MOB3B: variants seen among roughly 807,000 people sequenced by gnomAD.
The protein encoded by MOB3B is MOB kinase activator-like 2B.
In MOB3B, 7 loss-of-function variants were observed where a neutral mutation model predicts 18.7. The ratio of observed to expected loss-of-function variants is 0.37; its 90% CI spans 0.21 to 0.70. The LOEUF is 0.70. Ranked by LOEUF, MOB3B falls within the 30% of genes least tolerant of loss-of-function variation. The probability of loss-of-function intolerance (pLI) is 0.52; values close to 1 mark genes in which losing one functional copy is unlikely to be tolerated. For missense variants in MOB3B, 253 were observed against 281.3 expected (o/e 0.90, Z 0.72); for synonymous variants, 111 against 99.9 (o/e 1.11, Z -0.66).
At chr9:27,518,147 A>G (rs1162862326) in intron 1 of MOB3B, among the ~76,000 whole-genome samples, 1 of 152,178 alleles carries the variant, frequency 6.6e-6, no homozygotes, top group Non-Finnish European at 1.5e-5. Context: ...ATGTCAAGAA[A>G]CCTTATGACC....
chr9:27,512,798 T>C (rs1281298972), intron 1 of MOB3B, among the ~76,000 whole-genome samples: 1 of 152,224 alleles, frequency 6.6e-6, no homozygotes, highest in Admixed American at 6.5e-5. Flanking sequence ...AATTATATGA[T>C]TATATTCCAT....
chr9:27,381,515 C>G (rs1300967240), intron 2 of MOB3B, among the ~76,000 whole-genome samples: 1 of 152,138 alleles, frequency 6.6e-6, no homozygotes, highest in Non-Finnish European at 1.5e-5. Flanking sequence ...CCTATGGAAA[C>G]CAAGCCAGAT....
At position 27,326,784 on chromosome 9, in the gene MOB3B, A is replaced by C. The variant is rs574009830; in HGVS notation, c.*3803T>G. 2.1e-4 allele frequency: 82 copies of C among 391,724 alleles called. No homozygotes were observed. The highest frequency in any genetic ancestry group is 1.5e-3 in the African/African-American group (73 of 48,618). The allele number at this position is 391,724 out of a possible 1,614,324, so 24.3% of individuals were successfully genotyped here. ...CAGTATTTCTCAATTACAGCCGTGT[A>C]AGACATTTTCTTCCTAATCATCTCT... On this transcript the variant is annotated 3_prime_UTR_variant, in exon 4 of 4. Transcript: ENST00000262244.
intron 3 of MOB3B, among the ~76,000 whole-genome samples, chr9:27,334,389 A>T (rs539026018): frequency 6.6e-6 from 1 of 152,358 alleles, no homozygotes; most frequent in Non-Finnish European, 1.5e-5. Flanking sequence ...AGGAAAGTAG[A>T]CAGAGACTCC....
At chr9:27,432,961 G>A (rs1358823097) in intron 2 of MOB3B, among the ~76,000 whole-genome samples, 2 of 152,118 alleles carry the variant, frequency 1.3e-5, no homozygotes, top group Non-Finnish European at 2.9e-5. Context: ...CTGAGAGACA[G>A]ACTGATGTTA....
At chr9:27,335,428 G>T (rs148157353) in intron 3 of MOB3B, among the ~76,000 whole-genome samples, 27 of 152,278 alleles carry the variant, frequency 1.8e-4, no homozygotes, top group Non-Finnish European at 1.5e-5. Context: ...ACATTGATTC[G>T]AAAGAGGCAA....
rs554565238 is a variant in MOB3B, at chr9:27,465,196, C to T, written c.-198-9448G>A. Among the ~76,000 whole-genome samples the T allele has an allele frequency of 2.0e-4, 30 of 152,274 alleles. No individual in the cohort carries two copies. In the South Asian group the frequency reaches 6.0e-3, roughly 30 times the overall value. On this transcript the variant is annotated intron_variant, in intron 1 of 3. Transcript: ENST00000262244. ...CTAGTTAATTCCTAGACACAATGTG[C>T]GTACAGGTATTGGGTAAATACAGCT... is the stretch of plus-strand genomic sequence containing the variant.
chr9:27,338,624 G>C (rs141707615), intron 3 of MOB3B, among the ~76,000 whole-genome samples: 1 of 152,316 alleles, frequency 6.6e-6, no homozygotes, highest in East Asian at 1.9e-4. Context: ...CTACAGCCAA[G>C]TCCATGTGGC....
At chr9:27,341,751 A>G (rs1396047346) in intron 3 of MOB3B, among the ~76,000 whole-genome samples, 4 of 152,146 alleles carry the variant, frequency 2.6e-5, no homozygotes, top group Non-Finnish European at 4.4e-5. Context: ...CCTAGAGAGG[A>G]ACTGAAACTT....
chr9:27,486,870 C>T (rs1460862931), intron 1 of MOB3B, among the ~76,000 whole-genome samples: 2 of 152,200 alleles, frequency 1.3e-5, no homozygotes, highest in Non-Finnish European at 2.9e-5. Context: ...GTGGCTCACG[C>T]TTGTAATGCC....
intron 2 of MOB3B, among the ~76,000 whole-genome samples, chr9:27,433,780 A>G (rs1249845484): frequency 6.6e-6 from 1 of 152,198 alleles, no homozygotes; most frequent in Non-Finnish European, 1.5e-5. Flanking sequence ...GTTGCAGGCT[A>G]CAGTAATAAA....
intron 2 of MOB3B, among the ~76,000 whole-genome samples, chr9:27,441,177 C>T (rs1038019849): frequency 2.6e-5 from 4 of 152,282 alleles, no homozygotes; most frequent in African/African-American, 7.2e-5. Flanking sequence ...TCTTTTCTAC[C>T]GTAACTAAGC....
chr9:27,433,646 A>C (rs150414021), intron 2 of MOB3B, among the ~76,000 whole-genome samples: 4 of 152,322 alleles, frequency 2.6e-5, no homozygotes, highest in Non-Finnish European at 5.9e-5. Context: ...CTGGAAGAGA[A>C]GCAGCGAAGG....
At position 27,325,875 on chromosome 9, in the gene MOB3B, C is replaced by T. The variant is rs1419062108; in HGVS notation, c.*4712G>A. ...TTTAGAGAACATAGGAAGCAATTTG[C>T]TTCCATCAATAACCAGAATGATGGA... On this transcript the variant is annotated 3_prime_UTR_variant, in exon 4 of 4. Transcript: ENST00000262244. 6.6e-6 allele frequency: 1 copy of T among 151,878 alleles called. No individual in the cohort carries two copies. 9.4% of individuals were successfully genotyped at this position (151,878 alleles called of 1,614,324 possible).
chr9:27,463,805 A>C (rs1222493185), intron 1 of MOB3B, among the ~76,000 whole-genome samples: 1 of 151,810 alleles, frequency 6.6e-6, no homozygotes, highest in East Asian at 1.9e-4. Context: ...TACAAAAAAT[A>C]CAAAAATTAG....
intron 1 of MOB3B, among the ~76,000 whole-genome samples, chr9:27,529,053 G>A (rs1820487770): frequency 6.6e-6 from 1 of 152,072 alleles, no homozygotes; most frequent in African/African-American, 2.4e-5. Flanking sequence ...CTGGCTGACG[G>A]TGCGGACTTC....
intron 1 of MOB3B, among the ~76,000 whole-genome samples, chr9:27,483,170 T>C (rs1819687085): frequency 7.0e-6 from 1 of 142,842 alleles, no homozygotes; most frequent in Non-Finnish European, 1.5e-5. Flanking sequence ...TCTTGCTCTG[T>C]CGCCCAGGCT....
At chr9:27,496,220 G>A (rs1466830037) in intron 1 of MOB3B, among the ~76,000 whole-genome samples, 1 of 152,164 alleles carries the variant, frequency 6.6e-6, no homozygotes, top group Non-Finnish European at 1.5e-5. Context: ...CCTACTGCAG[G>A]AACAAGTGGA....
intron 2 of MOB3B, among the ~76,000 whole-genome samples, chr9:27,361,121 G>A (rs2131358110): frequency 6.6e-6 from 1 of 152,286 alleles, no homozygotes; most frequent in South Asian, 2.1e-4. Context: ...ACAATGCCAG[G>A]AGGTCGACAT....
Sources: allele counts gnomAD v4.1 joint callset (sites outside exome capture counted in the v4.1 genomes callset), GRCh38; gene constraint gnomAD v4.1.1; transcripts MANE v1.5; gene names NCBI Gene and HGNC (gene_info 2026-07-23, HGNC 2026-07-21).